Variants in MRTFA observed in about 807,000 individuals in gnomAD.
MRTFA encodes myocardin related transcription factor A, also known as myocardin-related transcription factor A.
In MRTFA, 20 loss-of-function variants were observed where a neutral mutation model predicts 83.5. The ratio of observed to expected loss-of-function variants is 0.24; its 90% CI spans 0.17 to 0.35. MRTFA has a LOEUF of 0.35. Ranked by LOEUF, MRTFA falls within the 10% of genes least tolerant of loss-of-function variation. The pLI is 1.00. For missense variants in MRTFA, 1,200 were observed against 1,224.7 expected, an observed-to-expected ratio of 0.98 and a Z score of 0.30; for synonymous variants, 659 against 541.2, an observed-to-expected ratio of 1.22 and a Z score of -3.02.
intron 3 of MRTFA, among the ~76,000 whole-genome samples, chr22:40,515,451 T>C (rs972943934): frequency 2.0e-5 from 3 of 151,840 alleles, no homozygotes; most frequent in Non-Finnish European, 4.4e-5. Context: ...CCCAGCGCTT[T>C]GGGAGGCCGA....
intron 1 of MRTFA, among the ~76,000 whole-genome samples, chr22:40,619,666 G>T (rs879537864): frequency 6.6e-6 from 1 of 151,958 alleles, no homozygotes; most frequent in Non-Finnish European, 1.5e-5. Context: ...GAGACGGGCG[G>T]ATCACGAGGT....
At chr22:40,459,820 CACAT>C (rs1171197272) in intron 4 of MRTFA, among the ~76,000 whole-genome samples, 47 of 82,926 alleles carry the variant, frequency 5.7e-4, no homozygotes, top group African/African-American at 2.4e-3. Context: ...CACACACACA[CACAT>C]ATATACATAT....
At chr22:40,603,287 T>C (rs748795962) in intron 1 of MRTFA, among the ~76,000 whole-genome samples, 23 of 152,214 alleles carry the variant, frequency 1.5e-4, no homozygotes, top group Non-Finnish European at 2.9e-4. Flanking sequence ...TTTACCCTAT[T>C]AATCCACAAA....
chr22:40,595,930 G>A (rs1028645554), intron 1 of MRTFA, among the ~76,000 whole-genome samples: 1 of 143,682 alleles, frequency 7.0e-6, no homozygotes, highest in Non-Finnish European at 1.5e-5. Flanking sequence ...GAGTGCAGTG[G>A]CATGATCACA....
At chr22:40,588,027 ATTTT>A (rs771409551) in intron 2 of MRTFA, 57 of 143,802 alleles carry the variant, frequency 4.0e-4, no homozygotes, top group South Asian at 1.5e-3. Flanking sequence ...ACACTCCAAC[ATTTT>A]TTTTTTTTTT....
At chr22:40,577,709 C>T (rs567133722) in intron 2 of MRTFA, among the ~76,000 whole-genome samples, 6 of 151,174 alleles carry the variant, frequency 4.0e-5, no homozygotes, top group African/African-American at 1.2e-4. Context: ...AAGGTTCAAG[C>T]GACTCTCCTG....
At chr22:40,445,758 C>G (rs1374738534) in intron 4 of MRTFA, among the ~76,000 whole-genome samples, 1 of 152,228 alleles carries the variant, frequency 6.6e-6, no homozygotes, top group East Asian at 1.9e-4. Flanking sequence ...CCGTGTTGGT[C>G]AGGCTGGTCT....
rs1490741833 is a variant in MRTFA, at chr22:40,459,780, T to TACACAC, written c.307+3440_307+3441insGTGTGT. Among the ~76,000 whole-genome samples, 38 of 80,812 alleles carry TACACAC rather than the reference T, an allele frequency of 4.7e-4. 1 individual carries two copies. The highest frequency in any genetic ancestry group is 1.4e-3 in the African/African-American group (29 of 20,792). 53.0% of individuals were successfully genotyped at this position (80,812 alleles called of 152,430 possible). A position where few individuals can be genotyped will look rare whatever the true frequency, so the allele number is the denominator to read the frequency against. ...GGCACTGGGGACGGGACTGATAAAA[T>TACACAC]ATACACACACACACACACACACACA... On this transcript the variant is annotated intron_variant, in intron 4 of 14. Transcript: ENST00000355630.
intron 3 of MRTFA, among the ~76,000 whole-genome samples, chr22:40,537,000 C>T (rs2055191337): frequency 1.4e-5 from 1 of 72,174 alleles, no homozygotes; most frequent in Non-Finnish European, 2.8e-5. Context: ...GCCACCCCGT[C>T]CGGGAGGGAG....
intron 9 of MRTFA, 73 bp downstream of exon 9, chr22:40,423,463 G>C (rs924432451): frequency 7.5e-7 from 1 of 1,328,214 alleles, no homozygotes; most frequent in Non-Finnish European, 9.9e-7. Context: ...TGTCCCCACA[G>C]CTGGAATGAA....
At chr22:40,584,758 T>C (rs1008384598) in intron 2 of MRTFA, among the ~76,000 whole-genome samples, 2 of 145,592 alleles carry the variant, frequency 1.4e-5, no homozygotes, top group African/African-American at 5.1e-5. Context: ...AAGCCAAGTC[T>C]CTTGAGCTGG....
chr22:40,546,660 A>G (rs2055369036), intron 3 of MRTFA, among the ~76,000 whole-genome samples: 1 of 152,220 alleles, frequency 6.6e-6, no homozygotes, highest in African/African-American at 2.4e-5. Context: ...TTCTTTCAGG[A>G]GCTTAAACAC....
At chr22:40,474,995 C>G (rs753917685) in intron 3 of MRTFA, among the ~76,000 whole-genome samples, 1 of 151,996 alleles carries the variant, frequency 6.6e-6, no homozygotes, top group Non-Finnish European at 1.5e-5. Context: ...TGTGCCACCA[C>G]GCCTGACTAA....
chr22:40,419,041 C>T lies in MRTFA; in HGVS notation c.1697G>A (p.Gly566Asp), dbSNP rs1439343918. Residue 566 changes from glycine to aspartate, a missense_variant, in exon 12 of 15, where the codon GGC becomes GAC. This residue lies in a region of MRTFA where 1,107 missense variants were observed against 1,041.8 expected (regional missense o/e 1.06). Transcript: ENST00000355630. ...GTCCCCGGGGGTGGAGTTTTCATCG[C>T]CCGTGCTGAGCAGTGAGCGCTCCGA... The T allele has an allele frequency of 6.2e-7, 1 of 1,612,148 alleles. No individual in the cohort carries two copies. The highest frequency in any genetic ancestry group is 8.5e-7 in the Non-Finnish European group (1 of 1,179,684).
At chr22:40,425,307 T>G (rs1483668467) in intron 7 of MRTFA, among the ~76,000 whole-genome samples, 1 of 152,090 alleles carries the variant, frequency 6.6e-6, no homozygotes, top group East Asian at 1.9e-4. Context: ...TGGGAAGAGG[T>G]GGGGGTGGCA....
chr22:40,414,022 T>C (rs1270996102), intron 14 of MRTFA, among the ~76,000 whole-genome samples: 5 of 152,206 alleles, frequency 3.3e-5, no homozygotes, highest in African/African-American at 1.2e-4. Context: ...GTTTAGTGAT[T>C]CCTCAAAAAG....
chr22:40,606,389 A>G (rs995471366), intron 1 of MRTFA, among the ~76,000 whole-genome samples: 1 of 152,242 alleles, frequency 6.6e-6, no homozygotes, highest in Non-Finnish European at 1.5e-5. Flanking sequence ...AACAATGCCT[A>G]CATCTGTTAA....
chr22:40,520,293 G>A (rs2054842800), intron 3 of MRTFA, among the ~76,000 whole-genome samples: 1 of 152,074 alleles, frequency 6.6e-6, no homozygotes, highest in Non-Finnish European at 1.5e-5. Context: ...AATAAACCCT[G>A]TATCCATCAG....
Position 40,452,711 on chromosome 22 carries a change from C to T in MRTFA, c.307+10510G>A, listed in dbSNP as rs5995855. ...CTGTAATCCCAGCTACCTAGGAGGC[C>T]GAGGCAATTGCTTGAACCCAGGAGG... On this transcript the variant is annotated intron_variant, in intron 4 of 14. Transcript: ENST00000355630. 7.4e-3 allele frequency among the ~76,000 whole-genome samples: 1,115 copies of T among 149,714 alleles called. 24 individuals carry two copies. The Middle Eastern group carries it at 0.077, about 10-fold the overall frequency.
Sources: allele counts gnomAD v4.1 joint callset (sites outside exome capture counted in the v4.1 genomes callset), GRCh38; gene constraint gnomAD v4.1.1; regional missense constraint gnomAD v4.1.1; transcripts MANE v1.5; gene names NCBI Gene and HGNC (gene_info 2026-07-23, HGNC 2026-07-21).